CWC27: variants seen among roughly 807,000 people sequenced by gnomAD.
The protein encoded by CWC27 is CWC27 spliceosome associated cyclophilin, also known as spliceosome-associated protein CWC27 homolog.
CWC27 carries 47 observed loss-of-function variants against 63.6 expected under a neutral mutation model. That is an observed-to-expected ratio of 0.74 (90% CI 0.58 to 0.94). The LOEUF (loss-of-function observed/expected upper bound fraction) is 0.94. CWC27 is among the 40% of genes least tolerant of loss of function. The probability of loss-of-function intolerance (pLI) is 0.00; values close to 1 mark genes in which losing one functional copy is unlikely to be tolerated. For missense variants in CWC27, 495 were observed against 554.3 expected (o/e 0.89, Z 1.07); for synonymous variants, 175 against 179.8 (o/e 0.97, Z 0.22).
chr5:64,911,834 G>A (rs541784825), intron 11 of CWC27, among the ~76,000 whole-genome samples: 2 of 152,226 alleles, frequency 1.3e-5, no homozygotes, highest in East Asian at 3.9e-4. Flanking sequence ...CAGCACTTTG[G>A]GAGGCCGAGG....
intron 11 of CWC27, among the ~76,000 whole-genome samples, chr5:64,925,287 C>T (rs1434451233): frequency 1.3e-5 from 2 of 152,142 alleles, no homozygotes; most frequent in Non-Finnish European, 2.9e-5. Flanking sequence ...CCTGAATTTC[C>T]TCTTTTTGTC....
chr5:64,840,411 ATATATATATATATATATATAC>A (rs1745799753), intron 10 of CWC27, among the ~76,000 whole-genome samples: 6 of 87,522 alleles, frequency 6.9e-5, no homozygotes, highest in East Asian at 6.9e-4. Context: ...ATATATATAT[ATATATATATATATATATATAC>A]TTATTAAGGA....
chr5:64,888,499 A>G (rs955109289), intron 11 of CWC27, among the ~76,000 whole-genome samples: 1 of 142,616 alleles, frequency 7.0e-6, no homozygotes, highest in African/African-American at 2.6e-5. Flanking sequence ...ATATAAATAT[A>G]CAAATAGCAT....
At chr5:64,798,483 C>G (rs1215606088) in intron 7 of CWC27, among the ~76,000 whole-genome samples, 1 of 152,162 alleles carries the variant, frequency 6.6e-6, no homozygotes, top group Admixed American at 6.6e-5. Flanking sequence ...TTTTTCATCA[C>G]TCCTTAGTTT....
chr5:64,824,242 CAT>C (rs1325533394), intron 10 of CWC27, among the ~76,000 whole-genome samples: 3 of 152,084 alleles, frequency 2.0e-5, no homozygotes, highest in Non-Finnish European at 4.4e-5. Flanking sequence ...AGAAAACAAA[CAT>C]AAAATGTCAC....
intron 11 of CWC27, among the ~76,000 whole-genome samples, chr5:64,950,305 T>G (rs1748679674): frequency 1.3e-5 from 2 of 151,334 alleles, no homozygotes; most frequent in South Asian, 4.2e-4. Flanking sequence ...TGTACACATA[T>G]AAGTGTTTTT....
chr5:65,015,489 G>A lies in CWC27; in HGVS notation c.1257-2670G>A, dbSNP rs1028574590. 4.6e-5 allele frequency among the ~76,000 whole-genome samples: 7 copies of A among 152,264 alleles called. No homozygotes were observed. In the East Asian group the frequency reaches 9.7e-4, roughly 21 times the overall value. On this transcript the variant is annotated intron_variant, in intron 13 of 13. Transcript: ENST00000381070. ...GCTTAGACATCAACACAGCCAGCCC[G>A]TAAGCACTTGGAACGCTGCTGCTAA...
At chr5:64,787,019 C>T (rs576614073) in intron 6 of CWC27, among the ~76,000 whole-genome samples, 42 of 152,150 alleles carry the variant, frequency 2.8e-4, no homozygotes, top group African/African-American at 8.0e-4. Context: ...GGGGAGAGAG[C>T]GAGTGGGAAG....
chr5:64,867,949 C>T (rs570766144), intron 10 of CWC27, among the ~76,000 whole-genome samples: 7 of 146,152 alleles, frequency 4.8e-5, no homozygotes, highest in African/African-American at 1.0e-4. Context: ...GGGGGGGGGG[C>T]TGTTGTTGTT....
chr5:64,940,842 C>CTTT (rs70983655), intron 11 of CWC27, among the ~76,000 whole-genome samples: 365 of 64,630 alleles, frequency 5.6e-3, no homozygotes, highest in Non-Finnish European at 8.3e-3. Flanking sequence ...TTCTTTCTTT[C>CTTT]TTTTTTTTTT....
intron 11 of CWC27, among the ~76,000 whole-genome samples, chr5:64,929,754 A>G (rs1227925424): frequency 6.6e-6 from 1 of 152,184 alleles, no homozygotes. Flanking sequence ...TGGAAAGCTC[A>G]TACATTACTG....
intron 10 of CWC27, among the ~76,000 whole-genome samples, chr5:64,869,847 G>A (rs898543197): frequency 3.3e-5 from 5 of 152,008 alleles, no homozygotes; most frequent in African/African-American, 1.2e-4. Context: ...AGAAAACTCA[G>A]TTTGGGATTT....
intron 11 of CWC27, among the ~76,000 whole-genome samples, chr5:64,895,181 G>A (rs369527379): frequency 6.6e-6 from 1 of 152,090 alleles, no homozygotes; most frequent in Non-Finnish European, 1.5e-5. Context: ...TGAGCAATAT[G>A]TGTTCACAGA....
chr5:64,886,726 C>T (rs1255759668), intron 11 of CWC27, among the ~76,000 whole-genome samples: 1 of 152,018 alleles, frequency 6.6e-6, no homozygotes, highest in Non-Finnish European at 1.5e-5. Context: ...ATTATACATA[C>T]TTCATGAAGA....
At chr5:64,916,496 C>T (rs960672745) in intron 11 of CWC27, among the ~76,000 whole-genome samples, 4 of 152,232 alleles carry the variant, frequency 2.6e-5, no homozygotes, top group African/African-American at 9.6e-5. Flanking sequence ...TGGAACTAAG[C>T]ACTAAATAGT....
rs569418186 is a variant in CWC27, at chr5:64,786,806, A to T, written c.599+179A>T. On this transcript the variant is annotated intron_variant, in intron 6 of 13. Coordinates refer to ENST00000381070, the MANE Select transcript of CWC27 (RefSeq NM_005869.4). ...TTCATTTTTACACTGCTATAAAGAC[A>T]TGCCTGAGACTGAGAGATATTGGAA... Among the ~76,000 whole-genome samples, 4 of 152,210 alleles carry T rather than the reference A, an allele frequency of 2.6e-5. No individual in the cohort carries two copies. The East Asian group carries it at 7.7e-4, about 29-fold the overall frequency.
At position 64,783,904 on chromosome 5, in the gene CWC27, T is replaced by A. The variant is rs1743790127; in HGVS notation, c.321T>A (p.His107Gln). The A allele has an allele frequency of 6.2e-7, 1 of 1,608,282 alleles. No individual in the cohort carries two copies. Among genetic ancestry groups the A allele is most frequent in the Non-Finnish European group, 8.5e-7 (1 of 1,177,580 alleles). The part of the protein sequence containing the change: ...GLVAMANAGS[H>Q]DNGSQFFFTL... ...TTGCCATGGCAAATGCTGGTTCTCA[T>A]GATAATGGCAGCCAGTTTTTCTTCA... is the stretch of plus-strand genomic sequence containing the variant. The change falls in exon 4 of 14, where the codon CAT becomes CAA. Residue 107 changes from histidine (H) to glutamine (Q), a missense_variant. This residue lies in a region of CWC27 where 463 missense variants were observed against 498.1 expected (regional missense o/e 0.93). Transcript: ENST00000381070.
chr5:64,815,575 A>T (rs373774242), intron 10 of CWC27, among the ~76,000 whole-genome samples: 1 of 152,124 alleles, frequency 6.6e-6, no homozygotes, highest in Admixed American at 6.6e-5. Flanking sequence ...TTTAAACAGA[A>T]ATTGCTGTCT....
intron 13 of CWC27, among the ~76,000 whole-genome samples, chr5:64,978,481 A>G (rs1418696956): frequency 6.6e-6 from 1 of 152,188 alleles, no homozygotes; most frequent in African/African-American, 2.4e-5. Context: ...CTCCTTCCAT[A>G]GTTTGGTGCC....
Sources: allele counts gnomAD v4.1 joint callset (sites outside exome capture counted in the v4.1 genomes callset), GRCh38; gene constraint gnomAD v4.1.1; regional missense constraint gnomAD v4.1.1; transcripts MANE v1.5; gene names NCBI Gene and HGNC (gene_info 2026-07-23, HGNC 2026-07-21).